The following SLC27A6 variants were observed in gnomAD, a reference collection of about 807,000 sequenced individuals.
SLC27A6 encodes the protein solute carrier family 27 member 6, also known as long-chain fatty acid transport protein 6.
SLC27A6 carries 74 observed loss-of-function variants against 63.9 expected under a neutral mutation model. The ratio of observed to expected loss-of-function variants is 1.16; its 90% CI spans 0.96 to 1.40. The LOEUF (loss-of-function observed/expected upper bound fraction) is 1.40, where lower values mean the gene tolerates loss of function less well. SLC27A6 is among the 40% of genes most tolerant of loss of function. SLC27A6 has a pLI of 0.00. For synonymous variants in SLC27A6, 287 were observed against 260.8 expected (o/e 1.10, Z -0.97); for missense variants, 794 against 732.9 (o/e 1.08, Z -0.96).
chr5:129,028,311 G>C (rs560875163), intron 7 of SLC27A6, 34 bp from the exon 8 acceptor site: 1 of 1,401,524 alleles, frequency 7.1e-7, no homozygotes, highest in African/African-American at 1.4e-5. Context: ...TCAAATACAG[G>C]TGCACTAACT....
At chr5:129,005,525 T>A (rs941433577) in intron 4 of SLC27A6, among the ~76,000 whole-genome samples, 3 of 152,118 alleles carry the variant, frequency 2.0e-5, no homozygotes, top group African/African-American at 7.2e-5. Flanking sequence ...CTTTGTGGGT[T>A]ATACTGTCTT....
chr5:128,990,630 C>T (rs1048734416), intron 4 of SLC27A6, among the ~76,000 whole-genome samples, 166 bp downstream of exon 4: 1 of 152,152 alleles, frequency 6.6e-6, no homozygotes, highest in Non-Finnish European at 1.5e-5. Flanking sequence ...TGGCGGGCAG[C>T]TCCCAAGATG....
chr5:129,025,673 T>C (rs1752217733), intron 6 of SLC27A6, among the ~76,000 whole-genome samples: 1 of 152,066 alleles, frequency 6.6e-6, no homozygotes, highest in South Asian at 2.1e-4. Flanking sequence ...ATGATGGTGA[T>C]GATGATGATA....
At chr5:128,972,615 A>T (rs62399685) in intron 1 of SLC27A6, among the ~76,000 whole-genome samples, 36,672 of 152,104 alleles carry the variant, frequency 0.24, 4,967 homozygotes, top group Middle Eastern at 0.33. Flanking sequence ...TTTCAGCTCC[A>T]TCATGTCATT....
chr5:128,986,309 C>T lies in SLC27A6; in HGVS notation c.685+973C>T, dbSNP rs750954050. Among the ~76,000 whole-genome samples the T allele has an allele frequency of 3.2e-4, 49 of 152,162 alleles. No individual in the cohort carries two copies. The Middle Eastern group carries it at 0.017, about 53-fold the overall frequency. On this transcript the variant is annotated intron_variant, in intron 2 of 9. Coordinates refer to ENST00000262462, the MANE Select transcript of SLC27A6 (RefSeq NM_001017372.3). ...CCTGGGCAACAGAGTGAGACTCAGTCTTAAGAAAGAAAAGAAAGAGAATTC... is the reference window on the plus strand; with the variant it reads ...CCTGGGCAACAGAGTGAGACTCAGTTTTAAGAAAGAAAAGAAAGAGAATTC...
intron 1 of SLC27A6, among the ~76,000 whole-genome samples, chr5:128,972,734 G>A (rs1190113473): frequency 1.3e-5 from 2 of 152,130 alleles, no homozygotes; most frequent in African/African-American, 4.8e-5. Flanking sequence ...GCTCGGAGAA[G>A]TTTGTTATTA....
chr5:128,992,664 C>T (rs904346921), intron 4 of SLC27A6, among the ~76,000 whole-genome samples: 6 of 152,108 alleles, frequency 3.9e-5, no homozygotes, highest in African/African-American at 1.4e-4. Flanking sequence ...TCTAAAGAAC[C>T]CCAATAATAC....
At position 128,990,336 on chromosome 5, in the gene SLC27A6, A is replaced by T. The variant is rs376925018; in HGVS notation, c.845-4A>T. The T allele has an allele frequency of 6.2e-7, 1 of 1,609,584 alleles. No individual in the cohort carries two copies. Among genetic ancestry groups the T allele is most frequent in the Non-Finnish European group, 8.5e-7 (1 of 1,178,990 alleles). ...CTAGTGCCTGTTTTTGTCTTTTCTTATAGGTGCCACTTGTGTGTTAAAGAA... is the reference window on the plus strand; with the variant it reads ...CTAGTGCCTGTTTTTGTCTTTTCTTTTAGGTGCCACTTGTGTGTTAAAGAA... On this transcript the variant is annotated splice_region_variant and splice_polypyrimidine_tract_variant and intron_variant, in intron 3 of 9. Transcript: ENST00000262462.
chr5:129,024,089 AT>A lies in SLC27A6; in HGVS notation c.1255+382del, dbSNP rs140714800. On this transcript the variant is annotated intron_variant, in intron 6 of 9. Coordinates refer to ENST00000262462, the MANE Select transcript of SLC27A6 (RefSeq NM_001017372.3). ...GAGGGCCCACTGTGATTATTAGTGA[AT>A]TTAAAAAGGAGAGGATGACTAGGTC... 9.1e-3 allele frequency among the ~76,000 whole-genome samples: 1,390 copies of A among 152,220 alleles called. 15 individuals carry two copies. Among genetic ancestry groups the A allele is most frequent in the African/African-American group, 0.031 (1,283 of 41,546 alleles).
At chr5:129,002,381 T>C (rs115021975) in intron 4 of SLC27A6, among the ~76,000 whole-genome samples, 1,687 of 152,206 alleles carry the variant, frequency 0.011, 19 homozygotes, top group Middle Eastern at 0.065. Context: ...GGGAACAGGA[T>C]CGGTAAATAG....
At chr5:128,987,788 A>G (rs1458359137) in intron 2 of SLC27A6, among the ~76,000 whole-genome samples, 1 of 152,158 alleles carries the variant, frequency 6.6e-6, no homozygotes, top group Non-Finnish European at 1.5e-5. Flanking sequence ...GAAAGGATGA[A>G]CACACAAATA....
At chr5:129,023,534 A>G in intron 5 of SLC27A6, 86 bp from the exon 6 acceptor site, 1 of 825,146 alleles carries the variant, frequency 1.2e-6, no homozygotes, top group Non-Finnish European at 2.0e-6. Context: ...ATAGTCTACT[A>G]CAGTAGACTA....
intron 1 of SLC27A6, among the ~76,000 whole-genome samples, chr5:128,971,257 G>T (rs36137532): frequency 0.24 from 36,445 of 151,864 alleles, 4,907 homozygotes; most frequent in Middle Eastern, 0.33. Flanking sequence ...GGAGAGTTCT[G>T]TAGATGTCTG....
At chr5:128,987,067 T>C (rs1217966558) in intron 2 of SLC27A6, among the ~76,000 whole-genome samples, 2 of 152,118 alleles carry the variant, frequency 1.3e-5, no homozygotes, top group African/African-American at 4.8e-5. Flanking sequence ...AAGATGAACT[T>C]CTGAAAATAC....
At chr5:128,987,122 C>A (rs1254340854) in intron 2 of SLC27A6, among the ~76,000 whole-genome samples, 5 of 152,054 alleles carry the variant, frequency 3.3e-5, no homozygotes, top group Non-Finnish European at 1.5e-5. Flanking sequence ...AAAAGAAAGT[C>A]TCCCTCCCTA....
intron 6 of SLC27A6, among the ~76,000 whole-genome samples, chr5:129,024,760 T>G (rs1463960929): frequency 6.6e-6 from 1 of 152,166 alleles, no homozygotes; most frequent in African/African-American, 2.4e-5. Context: ...AATTAATTTG[T>G]ATTGCCTTAA....
At chr5:129,029,740 TAA>T in intron 9 of SLC27A6, 33 bp downstream of exon 9, 1 of 1,561,054 alleles carries the variant, frequency 6.4e-7, no homozygotes, top group Non-Finnish European at 8.7e-7. Flanking sequence ...CTATCAAATA[TAA>T]GACAGTAAAC....
intron 5 of SLC27A6, among the ~76,000 whole-genome samples, chr5:129,017,665 GA>G (rs1751948572): frequency 6.6e-6 from 1 of 152,032 alleles, no homozygotes; most frequent in African/African-American, 2.4e-5. Context: ...ATGGAAAAGG[GA>G]ACATTGCTGC....
intron 4 of SLC27A6, among the ~76,000 whole-genome samples, chr5:129,001,555 T>C (rs1751335852): frequency 6.6e-6 from 1 of 152,230 alleles, no homozygotes; most frequent in African/African-American, 2.4e-5. Flanking sequence ...GTTTATATTT[T>C]AGGTGATCTT....
Sources: gnomAD v4.1 joint callset for allele counts (sites outside exome capture counted in the v4.1 genomes callset) on GRCh38, gnomAD v4.1.1 for gene constraint, MANE v1.5 for transcripts, NCBI Gene and HGNC (gene_info 2026-07-23, HGNC 2026-07-21) for gene names.